CADPS: variants seen among roughly 807,000 people sequenced by gnomAD.
CADPS encodes the protein calcium-dependent secretion activator 1.
Under a neutral mutation model 167.3 loss-of-function variants are expected in CADPS, and 57 were observed. That is an observed-to-expected ratio of 0.34 (90% CI 0.28 to 0.42). The LOEUF (loss-of-function observed/expected upper bound fraction) is 0.42. Among genes scored for constraint, CADPS ranks in the 20% least tolerant of loss-of-function variants. The pLI is 1.00. For missense variants in CADPS, 1,414 were observed against 1,738.1 expected (o/e 0.81, Z 3.32); for synonymous variants, 676 against 635.3 (o/e 1.06, Z -0.96).
intron 6 of CADPS, among the ~76,000 whole-genome samples, chr3:62,644,652 T>C (rs1335883537): frequency 6.6e-6 from 1 of 152,190 alleles, no homozygotes; most frequent in African/African-American, 2.4e-5. Context: ...CTGGCCTCTT[T>C]TGAATTTCTC....
intron 4 of CADPS, among the ~76,000 whole-genome samples, chr3:62,659,030 C>A (rs1236421803): frequency 6.6e-6 from 1 of 152,152 alleles, no homozygotes; most frequent in Non-Finnish European, 1.5e-5. Flanking sequence ...CCGATCTCCT[C>A]TTTTACATAA....
chr3:62,572,766 C>T (rs544353378), intron 8 of CADPS, among the ~76,000 whole-genome samples: 5 of 152,206 alleles, frequency 3.3e-5, no homozygotes, highest in Admixed American at 1.3e-4. Context: ...TCAGTATCTA[C>T]AGGGAATTGG....
At chr3:62,468,671 A>C (rs577761444) in intron 24 of CADPS, among the ~76,000 whole-genome samples, 3 of 152,206 alleles carry the variant, frequency 2.0e-5, no homozygotes, top group Non-Finnish European at 4.4e-5. Flanking sequence ...TTCCATGCCA[A>C]ACTTCGCCTT....
chr3:62,614,296 C>T (rs968769966), intron 6 of CADPS, among the ~76,000 whole-genome samples: 1 of 152,126 alleles, frequency 6.6e-6, no homozygotes, highest in Non-Finnish European at 1.5e-5. Flanking sequence ...CACATGTTTG[C>T]TAAGTATATG....
In CADPS at chr3:62,601,255, C is replaced by T. The variant is rs560713445; in HGVS notation, c.1326-8507G>A. On this transcript the variant is annotated intron_variant, in intron 6 of 29. Transcript: ENST00000383710. The surrounding 1 kb of genome is among the most constrained non-coding windows in gnomAD (Gnocchi z 4.3). ...TTCAAATTTTGATGCCCATCAATAA[C>T]GTTTTATTAGAACATAGTTAGCTTA... Among the ~76,000 whole-genome samples the T allele has an allele frequency of 3.0e-4, 46 of 152,206 alleles. No individual in the cohort carries two copies. The East Asian group carries it at 7.0e-3, about 23-fold the overall frequency.
chr3:62,570,880 A>G lies in CADPS; in HGVS notation c.1636T>C (p.Leu546=). The G allele has an allele frequency of 2.5e-6, 4 of 1,607,962 alleles. No individual in the cohort carries two copies. Among genetic ancestry groups the G allele is most frequent in the South Asian group, 1.1e-5 (1 of 90,966 alleles). ...WKRWKKRFFV[L]VQVSQYTFAM... is the part of the protein sequence containing the mutation. ...GTTGAAGAGTTAGTTACCTGCACCA[A>G]TACAAAAAACCTTTTCTTCCATCTC... The change falls in exon 9 of 30, where the codon TTG becomes CTG. Residue 546 remains leucine (L), a synonymous_variant. Coordinates refer to ENST00000383710, the MANE Select transcript of CADPS (RefSeq NM_003716.4).
intron 6 of CADPS, among the ~76,000 whole-genome samples, chr3:62,611,723 C>T (rs2061525398): frequency 6.6e-6 from 1 of 152,198 alleles, no homozygotes; most frequent in Non-Finnish European, 1.5e-5. Context: ...TCAGGATCTT[C>T]ATACTTACTG....
intron 3 of CADPS, among the ~76,000 whole-genome samples, chr3:62,713,217 G>A (rs952040): frequency 0.22 from 33,875 of 151,252 alleles, 5,078 homozygotes; most frequent in East Asian, 0.68. Flanking sequence ...TGGTTTTTTT[G>A]TTGCCCAGAC....
rs576757705 is a variant in CADPS at position 62,728,357 on chromosome 3, T to G, written c.888+25084A>C. 3.9e-5 allele frequency among the ~76,000 whole-genome samples: 6 copies of G among 152,018 alleles called. No homozygotes were observed. The South Asian group carries it at 1.2e-3, about 32-fold the overall frequency. On this transcript the variant is annotated intron_variant, in intron 3 of 29. Transcript: ENST00000383710. ...ATGTTCCTTACTACCTTTAACAATC[T>G]GTTTACAACCTAATTAGGAAAATTT...
At chr3:62,733,460 T>A (rs1396648689) in intron 3 of CADPS, among the ~76,000 whole-genome samples, 4 of 152,238 alleles carry the variant, frequency 2.6e-5, no homozygotes, top group Admixed American at 1.3e-4. Context: ...ATCTCCATTT[T>A]AAAAGTCTTA....
At chr3:62,826,662 CAG>C (rs1490785857) in intron 1 of CADPS, among the ~76,000 whole-genome samples, 2 of 152,076 alleles carry the variant, frequency 1.3e-5, no homozygotes, top group Non-Finnish European at 2.9e-5. Flanking sequence ...ACTCATGACA[CAG>C]GGGGCTTTCA....
chr3:62,740,487 A>T (rs2659464), intron 3 of CADPS, among the ~76,000 whole-genome samples: 99,114 of 152,094 alleles, frequency 0.65, 34,175 homozygotes, highest in African/African-American at 0.88. Context: ...TATGATACAA[A>T]TTTGTCTCTA....
At chr3:62,789,639 G>A (rs746691012) in intron 1 of CADPS, among the ~76,000 whole-genome samples, 6 of 152,246 alleles carry the variant, frequency 3.9e-5, no homozygotes, top group African/African-American at 7.2e-5. Context: ...CACTGAACAC[G>A]TTCCAGAGAT....
At chr3:62,600,665 C>G (rs2059827073) in intron 6 of CADPS, among the ~76,000 whole-genome samples, 1 of 152,198 alleles carries the variant, frequency 6.6e-6, no homozygotes, top group South Asian at 2.1e-4. Context: ...CTATGATAGG[C>G]ACTGCTATGG....
In CADPS at chr3:62,525,933, C is replaced by G. The variant is rs1167044799; in HGVS notation, c.2291+6938G>C. 2.0e-5 allele frequency among the ~76,000 whole-genome samples: 3 copies of G among 151,910 alleles called. No homozygotes were observed. In the East Asian group the frequency reaches 5.8e-4, roughly 29 times the overall value. Reference sequence around the variant, plus strand: ...GGTCCAGAGGAGAGAAGATAGAGACCTAAACTATGGTAGTGGCATTGAAGA... The same window carrying G: ...GGTCCAGAGGAGAGAAGATAGAGACGTAAACTATGGTAGTGGCATTGAAGA... On this transcript the variant is annotated intron_variant, in intron 13 of 29. Transcript: ENST00000383710.
At chr3:62,491,802 C>T (rs982690304) in intron 20 of CADPS, among the ~76,000 whole-genome samples, 6 of 149,056 alleles carry the variant, frequency 4.0e-5, no homozygotes, top group African/African-American at 1.5e-4. Flanking sequence ...GCACCCACTT[C>T]CCTTCTTCCC....
At chr3:62,451,481 A>AG in intron 26 of CADPS, among the ~76,000 whole-genome samples, 1 of 152,222 alleles carries the variant, frequency 6.6e-6, no homozygotes, top group East Asian at 1.9e-4. Flanking sequence ...CAGACAAAAA[A>AG]AAAAAGTGGA....
At chr3:62,406,943 T>C (rs1341715838) in intron 28 of CADPS, among the ~76,000 whole-genome samples, 1 of 152,190 alleles carries the variant, frequency 6.6e-6, no homozygotes, top group Non-Finnish European at 1.5e-5. Context: ...TCCACCTGGG[T>C]TTGTGATCTT....
intron 1 of CADPS, among the ~76,000 whole-genome samples, chr3:62,873,338 A>C (rs913391345): frequency 3.0e-4 from 45 of 152,240 alleles, no homozygotes; most frequent in African/African-American, 1.1e-3. Context: ...AAATGGCAGC[A>C]ACTGAAAGAT....
Sources: gnomAD v4.1 joint callset for allele counts (sites outside exome capture counted in the v4.1 genomes callset) on GRCh38, gnomAD v4.1.1 for gene constraint, Gnocchi (gnomAD v3.1) non-coding constraint, MANE v1.5 for transcripts, NCBI Gene and HGNC (gene_info 2026-07-23, HGNC 2026-07-21) for gene names.